Variants in RAB38 observed in about 807,000 individuals in gnomAD.
The protein encoded by RAB38 is ras-related protein Rab-38.
Under a neutral mutation model 18.4 loss-of-function variants are expected in RAB38, and 15 were observed. That is an observed-to-expected ratio of 0.82 (90% CI 0.55 to 1.26). The LOEUF is 1.26. RAB38 is among the 50% of genes most tolerant of loss of function. The pLI, the probability that RAB38 is intolerant of heterozygous loss-of-function variation, is 0.00. For missense variants in RAB38, 294 were observed against 267.4 expected (o/e 1.10, Z -0.69); for synonymous variants, 101 against 104.4 (o/e 0.97, Z 0.20).
At chr11:87,900,017 T>G in the RAB38 span, among the ~76,000 whole-genome samples, 1 of 151,570 alleles carries the variant, frequency 6.6e-6, no homozygotes, top group Admixed American at 6.6e-5. Flanking sequence ...ATTTACTGAC[T>G]TATCTCTGAA....
intron 1 of RAB38, among the ~76,000 whole-genome samples, chr11:88,160,390 T>G (rs7116843): frequency 0.24 from 36,073 of 151,958 alleles, 4,357 homozygotes; most frequent in Admixed American, 0.27. Flanking sequence ...GGAATGAAAA[T>G]AAGTTCAGCC....
chr11:87,840,960 T>C, the RAB38 span, among the ~76,000 whole-genome samples: 1 of 152,172 alleles, frequency 6.6e-6, no homozygotes, highest in African/African-American at 2.4e-5. Flanking sequence ...GCATGACAAC[T>C]CTTGAAACCA....
At chr11:87,956,161 TC>T in the RAB38 span, among the ~76,000 whole-genome samples, 1 of 152,106 alleles carries the variant, frequency 6.6e-6, no homozygotes, top group Non-Finnish European at 1.5e-5. Flanking sequence ...ATTTAACTTA[TC>T]TGAAAATATT....
At chr11:88,102,943 A>G in the RAB38 span, among the ~76,000 whole-genome samples, 77 of 151,992 alleles carry the variant, frequency 5.1e-4, no homozygotes, top group Admixed American at 3.0e-3. Flanking sequence ...CTAGATTCTG[A>G]TATGTCATTC....
chr11:88,136,560 A>G (rs1328175576), intron 2 of RAB38, among the ~76,000 whole-genome samples: 1 of 152,242 alleles, frequency 6.6e-6, no homozygotes, highest in East Asian at 1.9e-4. Flanking sequence ...CTGACAGAAG[A>G]GACAGGGCCT....
intron 1 of RAB38, among the ~76,000 whole-genome samples, chr11:88,159,852 G>A (rs1480701450): frequency 6.6e-6 from 1 of 152,000 alleles, no homozygotes; most frequent in Non-Finnish European, 1.5e-5. Context: ...AGATTTAAAT[G>A]TAAGATCTGA....
At chr11:88,070,131 C>T in the RAB38 span, among the ~76,000 whole-genome samples, 4 of 152,138 alleles carry the variant, frequency 2.6e-5, no homozygotes, top group Non-Finnish European at 4.4e-5. Flanking sequence ...TCTTTGGGTC[C>T]ACACTGCTTT....
the RAB38 span, among the ~76,000 whole-genome samples, chr11:87,861,059 A>C: frequency 5.3e-5 from 8 of 151,990 alleles, no homozygotes; most frequent in African/African-American, 1.9e-4. Flanking sequence ...TAGGAGAACA[A>C]CGTCCCAAAG....
the RAB38 span, among the ~76,000 whole-genome samples, chr11:87,852,500 G>C: frequency 6.6e-6 from 1 of 151,794 alleles, no homozygotes; most frequent in Non-Finnish European, 1.5e-5. Context: ...AATGGTGTTT[G>C]TTTCTGGCCA....
chr11:87,868,362 C>G, the RAB38 span, among the ~76,000 whole-genome samples: 1 of 151,598 alleles, frequency 6.6e-6, no homozygotes. Context: ...GTGGAAGCAG[C>G]CTGAAGCCCT....
At chr11:87,830,631 T>C in the RAB38 span, among the ~76,000 whole-genome samples, 1 of 152,158 alleles carries the variant, frequency 6.6e-6, no homozygotes, top group East Asian at 1.9e-4. Context: ...CACCATTATA[T>C]ATTATACATT....
chr11:87,900,661 T>TAGGAAGGA, the RAB38 span, among the ~76,000 whole-genome samples: 10,542 of 131,168 alleles, frequency 0.08, 484 homozygotes, highest in Admixed American at 0.11. Context: ...GAAAGAAAGG[T>TAGGAAGGA]AGGAAGGAAG....
At chr11:87,976,982 A>G in the RAB38 span, among the ~76,000 whole-genome samples, 8 of 31,212 alleles carry the variant, frequency 2.6e-4, 2 homozygotes, top group African/African-American at 8.3e-4. Flanking sequence ...ATTATAAAAT[A>G]TAATTACATT....
chr11:88,173,948 TAA>T, intron 1 of RAB38: 1 of 985,442 alleles, frequency 1.0e-6, no homozygotes, highest in Non-Finnish European at 1.2e-6. Context: ...CAAGCCATGA[TAA>T]AGAGTTTCCA....
At chr11:88,078,501 A>ATGTGTGTGTGTGTGTGTGTGTG in the RAB38 span, among the ~76,000 whole-genome samples, 80 of 148,794 alleles carry the variant, frequency 5.4e-4, no homozygotes, top group African/African-American at 1.8e-3. Flanking sequence ...GTGTGTATAT[A>ATGTGTGTGTGTGTGTGTGTGTG]TGTGTGTGTG....
the RAB38 span, chr11:88,100,031 G>A: frequency 2.6e-5 from 4 of 151,642 alleles, no homozygotes; most frequent in African/African-American, 9.7e-5. Context: ...TTAACTGATT[G>A]TTCACAGTCA....
At chr11:88,035,797 G>A in the RAB38 span, among the ~76,000 whole-genome samples, 1 of 152,044 alleles carries the variant, frequency 6.6e-6, no homozygotes, top group East Asian at 1.9e-4. Context: ...TTTATGCACT[G>A]AAGCAAATTG....
chr11:88,015,391 C>A, the RAB38 span, among the ~76,000 whole-genome samples: 1 of 152,152 alleles, frequency 6.6e-6, no homozygotes, highest in Non-Finnish European at 1.5e-5. Context: ...CCACTGACTA[C>A]TCATTGTAAC....
At chr11:88,164,862 C>G (rs112169362) in intron 1 of RAB38, among the ~76,000 whole-genome samples, 2,786 of 152,012 alleles carry the variant, frequency 0.018, 87 homozygotes, top group African/African-American at 0.065. Flanking sequence ...TACATGCATA[C>G]AGATCCTTCT....
Sources: allele counts gnomAD v4.1 joint callset (sites outside exome capture counted in the v4.1 genomes callset), GRCh38; gene constraint gnomAD v4.1.1; transcripts MANE v1.5; gene names NCBI Gene and HGNC (gene_info 2026-07-23, HGNC 2026-07-21).